Variants in IDNK observed in about 807,000 individuals in gnomAD.
IDNK encodes gluconokinase.
A neutral mutation model predicts 13.0 loss-of-function variants in IDNK; 9 were observed. The observed-to-expected ratio is 0.69, with a 90% confidence interval of 0.42 to 1.21. The LOEUF is 1.21. Ranked by LOEUF, IDNK falls within the 50% of genes most tolerant of loss-of-function variation. The pLI is 0.00. For synonymous variants in IDNK, 92 were observed against 94.9 expected (o/e 0.97, Z 0.18); for missense variants, 210 against 237.8 (o/e 0.88, Z 0.77).
At position 83,623,664 on chromosome 9, in the gene IDNK, G is replaced by C; in HGVS notation, c.50+443G>C. The C allele has an allele frequency of 1.1e-5, 2 of 176,920 alleles. 1 individual carries two copies. Among genetic ancestry groups the C allele is most frequent in the South Asian group, 1.9e-4 (2 of 10,652 alleles). 11.0% of individuals were successfully genotyped at this position (176,920 alleles called of 1,614,324 possible). On this transcript the variant is annotated intron_variant, in intron 1 of 4. Coordinates refer to ENST00000376419, the MANE Select transcript of IDNK (RefSeq NM_001001551.4). ...CCTTTGGCCATCTGGACACACAGCG[G>C]CCTCCTCCTATGAGGCCCTGGACTT...
At chr9:83,624,923 G>A (rs546475124) in intron 1 of IDNK, among the ~76,000 whole-genome samples, 62 of 152,044 alleles carry the variant, frequency 4.1e-4, no homozygotes, top group African/African-American at 1.4e-3. Context: ...TCATGTTGGC[G>A]AGGCTGGTCT....
chr9:83,632,666 G>A (rs1486768608), intron 3 of IDNK, among the ~76,000 whole-genome samples: 4 of 152,030 alleles, frequency 2.6e-5, no homozygotes, highest in African/African-American at 9.7e-5. Flanking sequence ...TTTGCGGGCT[G>A]TGTGTTGTAC....
intron 1 of IDNK, chr9:83,626,618 T>C (rs1365193308): frequency 6.6e-6 from 6 of 902,940 alleles, no homozygotes; most frequent in Non-Finnish European, 9.4e-6. Flanking sequence ...GGTTTTGCCA[T>C]GTTGGCCGAG....
chr9:83,628,836 T>A (rs1184134901), intron 2 of IDNK, 37 bp from the exon 3 acceptor site: 2 of 1,452,726 alleles, frequency 1.4e-6, no homozygotes, highest in Non-Finnish European at 1.9e-6. Context: ...TTGGCCCATC[T>A]GCCTGCCACA....
At chr9:83,640,914 A>G (rs903319259) in intron 3 of IDNK, among the ~76,000 whole-genome samples, 3 of 152,160 alleles carry the variant, frequency 2.0e-5, no homozygotes, top group African/African-American at 7.2e-5. Context: ...TCTGCTTTTC[A>G]GTGTGTTTAA....
In IDNK at chr9:83,628,773, G is replaced by A. The variant is rs368019865; in HGVS notation, c.82-100G>A. On this transcript the variant is annotated intron_variant, in intron 2 of 4. Transcript: ENST00000376419. ...TCCTTGGGGTTGATGGGAACCAGGC[G>A]GGTGGTATTGTTTCTACACCTGCCT... 595 of 802,558 alleles carry A rather than the reference G, an allele frequency of 7.4e-4. 1 individual carries two copies. The African/African-American group carries it at 8.1e-3, about 11-fold the overall frequency. 49.7% of individuals were successfully genotyped at this position (802,558 alleles called of 1,614,324 possible).
chr9:83,634,804 C>T (rs1323816511), intron 3 of IDNK, among the ~76,000 whole-genome samples: 1 of 152,206 alleles, frequency 6.6e-6, no homozygotes, highest in African/African-American at 2.4e-5. Flanking sequence ...AAATTGTCCT[C>T]TCTCTTTGGT....
chr9:83,633,882 G>A lies in IDNK; in HGVS notation c.168+4923G>A, dbSNP rs139429596. ...ATTCACAAGAAGTGAATCAAGGTTT[G>A]TTAAATTGAGAGAAAAGGGTTAGAC... On this transcript the variant is annotated intron_variant, in intron 3 of 4. Transcript: ENST00000376419. Among the ~76,000 whole-genome samples the A allele has an allele frequency of 9.6e-4, 146 of 152,302 alleles. 1 individual carries two copies. Among genetic ancestry groups the A allele is most frequent in the African/African-American group, 3.4e-3 (142 of 41,568 alleles).
At chr9:83,638,544 G>C (rs1261048442) in intron 3 of IDNK, among the ~76,000 whole-genome samples, 1 of 152,084 alleles carries the variant, frequency 6.6e-6, no homozygotes, top group Non-Finnish European at 1.5e-5. Flanking sequence ...ACTTTTCCAG[G>C]GTATGAGTAC....
At chr9:83,630,112 T>C (rs1490496524) in intron 3 of IDNK, among the ~76,000 whole-genome samples, 3 of 152,254 alleles carry the variant, frequency 2.0e-5, no homozygotes, top group African/African-American at 7.2e-5. Context: ...CCAGGTGTCC[T>C]TTCCCTAGCT....
rs1830873443 is a variant in IDNK, at chr9:83,627,089, CCTT to C, written c.51-1088_51-1086del. ...TGTGCAAGGGAATGAAAGAAAGTTT[CCTT>C]CTTTAACACACTTATTTAATTTTTA... On this transcript the variant is annotated intron_variant, in intron 1 of 4. Transcript: ENST00000376419. 2.0e-5 allele frequency: 3 copies of C among 152,526 alleles called. No homozygotes were observed. The Admixed American group carries it at 2.0e-4, about 10-fold the overall frequency. 9.4% of individuals were successfully genotyped at this position (152,526 alleles called of 1,614,324 possible).
chr9:83,628,821 T>C (rs2131620798), intron 2 of IDNK, 52 bp from the exon 3 acceptor site: 2 of 1,251,180 alleles, frequency 1.6e-6, no homozygotes, highest in Non-Finnish European at 1.2e-6. Context: ...ACAATGACTA[T>C]CACATTGGCC....
chr9:83,631,457 A>C, intron 3 of IDNK, among the ~76,000 whole-genome samples: 1 of 145,096 alleles, frequency 6.9e-6, no homozygotes, highest in African/African-American at 2.6e-5. Context: ...AACTGAAAAA[A>C]AAAAAAAAAA....
chr9:83,624,090 C>T (rs188889813), intron 1 of IDNK, among the ~76,000 whole-genome samples: 2 of 152,282 alleles, frequency 1.3e-5, no homozygotes, highest in South Asian at 4.1e-4. Context: ...ATGGGTTTTG[C>T]TTTCCAAAAT....
chr9:83,624,684 G>A (rs1286310439), intron 1 of IDNK, among the ~76,000 whole-genome samples: 1 of 150,824 alleles, frequency 6.6e-6, no homozygotes, highest in Admixed American at 6.6e-5. Flanking sequence ...AGGTGCAATG[G>A]TTCTGAGGCT....
intron 3 of IDNK, among the ~76,000 whole-genome samples, chr9:83,639,703 G>A (rs916636483): frequency 6.6e-6 from 1 of 152,156 alleles, no homozygotes; most frequent in East Asian, 1.9e-4. Flanking sequence ...GTGATCTAGT[G>A]GCAGATACTG....
intron 3 of IDNK, 56 bp downstream of exon 3, chr9:83,629,015 C>A: frequency 7.2e-7 from 1 of 1,397,276 alleles, no homozygotes; most frequent in Non-Finnish European, 1.0e-6. Context: ...ACAGGATGAG[C>A]TCGCTACAGC....
At chr9:83,623,075 GC>G, upstream of IDNK, 2 of 1,012,990 alleles carry the variant, frequency 2.0e-6, no homozygotes, top group Non-Finnish European at 2.7e-6. Flanking sequence ...GGCCCTCACT[GC>G]CCCGGCCGGG....
At chr9:83,627,701 G>C (rs1337286871) in intron 1 of IDNK, among the ~76,000 whole-genome samples, 1 of 152,042 alleles carries the variant, frequency 6.6e-6, no homozygotes, top group Non-Finnish European at 1.5e-5. Context: ...TATTTTACGA[G>C]TGTGTCTCTT....
Sources: gnomAD v4.1 joint callset for allele counts (sites outside exome capture counted in the v4.1 genomes callset) on GRCh38, gnomAD v4.1.1 for gene constraint, MANE v1.5 for transcripts, NCBI Gene and HGNC (gene_info 2026-07-23, HGNC 2026-07-21) for gene names.